The following WASL variants were observed in gnomAD, a reference collection of about 807,000 sequenced individuals.
WASL encodes WASP like actin nucleation promoting factor.
A neutral mutation model predicts 55.5 loss-of-function variants in WASL; 20 were observed. The observed-to-expected ratio is 0.36, with a 90% CI of 0.25 to 0.52. The LOEUF (loss-of-function observed/expected upper bound fraction) is 0.52, where lower values mean the gene tolerates loss of function less well. Among genes scored for constraint, WASL ranks in the 20% least tolerant of loss-of-function variants. The pLI is 0.92. For synonymous variants in WASL, 249 were observed against 217.6 expected (o/e 1.14, Z -1.27); for missense variants, 504 against 622.5 (o/e 0.81, Z 2.03).
In WASL at chr7:123,696,660, G is replaced by A; in HGVS notation, c.548C>T (p.Ser183Phe). 6.2e-7 allele frequency: 1 copy of A among 1,607,452 alleles called. No individual in the cohort carries two copies. Among genetic ancestry groups the A allele is most frequent in the Non-Finnish European group, 8.5e-7 (1 of 1,176,606 alleles). ...RFYGPQVNNI[S>F]HTKEKKKGKA... ...TCCCTTCTTCTTTTCTTTGGTATGGGAGATGTTGTTGACTTGTGGACCATA... is the reference window on the plus strand; with the variant it reads ...TCCCTTCTTCTTTTCTTTGGTATGGAAGATGTTGTTGACTTGTGGACCATA... Residue 183 changes from serine to phenylalanine, a missense_variant, in exon 6 of 11, where the codon TCC becomes TTC. Ser to Phe is a radical substitution (Grantham distance 155). This residue lies in a region of WASL where 230 missense variants were observed against 271.9 expected (regional missense o/e 0.85). Coordinates refer to ENST00000223023, the MANE Select transcript of WASL (RefSeq NM_003941.4).
At chr7:123,728,792 T>C (rs1327452668) in intron 1 of WASL, among the ~76,000 whole-genome samples, 4 of 152,108 alleles carry the variant, frequency 2.6e-5, no homozygotes, top group Non-Finnish European at 5.9e-5. Flanking sequence ...GCTGAACTCG[T>C]ACCACTGCAC....
intron 2 of WASL, among the ~76,000 whole-genome samples, chr7:123,707,281 T>G (rs1278655131): frequency 6.6e-6 from 1 of 152,176 alleles, no homozygotes; most frequent in African/African-American, 2.4e-5. Context: ...CTCAATTTTA[T>G]AGATGTGGGA....
rs1033783756 is a variant in WASL at position 123,703,401 on chromosome 7, T to C, written c.460+1233A>G. Among the ~76,000 whole-genome samples the C allele has an allele frequency of 1.3e-5, 2 of 152,208 alleles. 1 individual carries two copies. Among genetic ancestry groups the C allele is most frequent in the African/African-American group, 4.8e-5 (2 of 41,458 alleles). On this transcript the variant is annotated intron_variant, in intron 5 of 10. Transcript: ENST00000223023. ...TGCCTGGCAGGTAGTAAAAGATCAT[T>C]AACTAGTAGTTGCTATTATTGTTGT...
chr7:123,726,673 T>C (rs1002798451), intron 1 of WASL, among the ~76,000 whole-genome samples: 2 of 152,196 alleles, frequency 1.3e-5, no homozygotes, highest in African/African-American at 4.8e-5. Context: ...AAGACCAGCC[T>C]GGCCAACATG....
chr7:123,692,397 C>T lies in WASL; in HGVS notation c.1297G>A (p.Gly433Arg). The T allele has an allele frequency of 6.2e-7, 1 of 1,613,784 alleles. No homozygotes were observed. Among genetic ancestry groups the T allele is most frequent in the Non-Finnish European group, 8.5e-7 (1 of 1,180,004 alleles). The change falls in exon 9 of 11, where the codon GGA becomes AGA. Residue 433 changes from glycine (G) to arginine (R), a missense_variant. Gly to Arg is a moderately radical substitution (Grantham distance 125). This residue lies in a region of WASL where 201 missense variants were observed against 206.2 expected (regional missense o/e 0.97). Transcript: ENST00000223023. ...ATCTGGTCTAACAGTGCATCTCGTC[C>T]AGAGCAGGACACTGGCCGACTGTTC... is the stretch of plus-strand genomic sequence containing the variant. ...EQNSRPVSCS[G>R]RDALLDQIRQ...
chr7:123,748,739 T>C lies in WASL; in HGVS notation c.-5A>G, dbSNP rs1259621239. ...CTGCTGCTGGACGGAGCTCATGGTTTCGCCGGCGGGGTTGGGAGTCCAGGG... is the reference window on the plus strand; with the variant it reads ...CTGCTGCTGGACGGAGCTCATGGTTCCGCCGGCGGGGTTGGGAGTCCAGGG... On this transcript the variant is annotated 5_prime_UTR_variant, in exon 1 of 11. Coordinates refer to ENST00000223023, the MANE Select transcript of WASL (RefSeq NM_003941.4). The C allele has an allele frequency of 6.3e-7, 1 of 1,575,012 alleles. No homozygotes were observed. Among genetic ancestry groups the C allele is most frequent in the South Asian group, 1.1e-5 (1 of 87,456 alleles).
At chr7:123,731,543 A>C (rs1804136528) in intron 1 of WASL, among the ~76,000 whole-genome samples, 3 of 152,196 alleles carry the variant, frequency 2.0e-5, no homozygotes. Flanking sequence ...ACCAAGAGAG[A>C]CCACATTTTG....
chr7:123,690,107 G>A (rs1320765929), intron 9 of WASL, among the ~76,000 whole-genome samples: 3 of 152,108 alleles, frequency 2.0e-5, no homozygotes, highest in African/African-American at 7.2e-5. Context: ...ATAACAGAGA[G>A]TTTCAGAGCT....
intron 1 of WASL, among the ~76,000 whole-genome samples, chr7:123,711,829 T>C (rs1444912040): frequency 6.6e-6 from 1 of 152,144 alleles, no homozygotes; most frequent in Non-Finnish European, 1.5e-5. Context: ...GGAAATCTAT[T>C]TCTTATTACC....
At chr7:123,696,473 A>G in intron 6 of WASL, 106 bp downstream of exon 6, 1 of 1,163,554 alleles carries the variant, frequency 8.6e-7, no homozygotes, top group Non-Finnish European at 1.1e-6. Context: ...TGATGAATGT[A>G]CACACCCTCC....
rs917937261 is a variant in WASL, at chr7:123,717,718, A to C, written c.118-8495T>G. 2.0e-5 allele frequency among the ~76,000 whole-genome samples: 3 copies of C among 152,234 alleles called. No individual in the cohort carries two copies. The South Asian group carries it at 6.2e-4, about 31-fold the overall frequency. ...ATTACATTACTAGTAACTGGTTTCA[A>C]AACTTTTTTTTTCAGCTTCACAGCT... On this transcript the variant is annotated intron_variant, in intron 1 of 10. Coordinates refer to ENST00000223023, the MANE Select transcript of WASL (RefSeq NM_003941.4).
At chr7:123,703,332 T>C (rs960677009) in intron 5 of WASL, among the ~76,000 whole-genome samples, 3 of 152,164 alleles carry the variant, frequency 2.0e-5, no homozygotes, top group Non-Finnish European at 4.4e-5. Context: ...TTTCCTTATC[T>C]ATAAAAGAGA....
At chr7:123,746,495 G>A (rs1337932069) in intron 1 of WASL, among the ~76,000 whole-genome samples, 1 of 152,116 alleles carries the variant, frequency 6.6e-6, no homozygotes, top group Non-Finnish European at 1.5e-5. Flanking sequence ...ATCAGCCAAG[G>A]GAGGAAAAGA....
chr7:123,729,479 C>CT (rs1804104474), intron 1 of WASL, among the ~76,000 whole-genome samples: 1 of 152,036 alleles, frequency 6.6e-6, no homozygotes, highest in African/African-American at 2.4e-5. Flanking sequence ...GCTATCAGAG[C>CT]TTTTTTCAAA....
At chr7:123,736,871 G>GA (rs1237824001) in intron 1 of WASL, among the ~76,000 whole-genome samples, 1 of 151,844 alleles carries the variant, frequency 6.6e-6, no homozygotes, top group Non-Finnish European at 1.5e-5. Context: ...TAAAGCCTTA[G>GA]AAAAAAACAC....
intron 1 of WASL, among the ~76,000 whole-genome samples, chr7:123,740,133 G>C (rs746264176): frequency 1.8e-4 from 28 of 151,812 alleles, no homozygotes; most frequent in Non-Finnish European, 3.7e-4. Flanking sequence ...GCTAGTTTAT[G>C]CATCAGTTTA....
rs766834670 is a variant in WASL, at chr7:123,696,695, T to C, written c.513A>G (p.Thr171=). The part of the protein sequence containing the change: ...TVDIKNPEIT[T]NRFYGPQVNN... Reference sequence around the variant, plus strand: ...TGACTTGTGGACCATAAAATCTATTTGTTGTGATTTCTGGATTTTTTATAT... The same window carrying C: ...TGACTTGTGGACCATAAAATCTATTCGTTGTGATTTCTGGATTTTTTATAT... Residue 171 remains threonine, a synonymous_variant, in exon 6 of 11, where the codon ACA becomes ACG. Transcript: ENST00000223023. 6.2e-7 allele frequency: 1 copy of C among 1,600,802 alleles called. No homozygotes were observed. The highest frequency in any genetic ancestry group is 1.3e-5 in the African/African-American group (1 of 74,554).
At chr7:123,707,277 T>G (rs1485584326) in intron 2 of WASL, among the ~76,000 whole-genome samples, 2 of 152,170 alleles carry the variant, frequency 1.3e-5, no homozygotes, top group African/African-American at 4.8e-5. Flanking sequence ...TTTCCTCAAT[T>G]TTATAGATGT....
intron 8 of WASL, 33 bp from the exon 9 acceptor site, chr7:123,692,900 T>A: frequency 1.5e-6 from 2 of 1,341,358 alleles, no homozygotes; most frequent in Non-Finnish European, 1.9e-6. Context: ...GAAGGCATGC[T>A]TTTTTCTTCT....
Sources: gnomAD v4.1 joint callset for allele counts (sites outside exome capture counted in the v4.1 genomes callset) on GRCh38, gnomAD v4.1.1 for gene constraint, gnomAD v4.1.1 regional missense constraint, MANE v1.5 for transcripts, NCBI Gene and HGNC (gene_info 2026-07-23, HGNC 2026-07-21) for gene names.